Variants in CSMD1 observed in about 807,000 individuals in gnomAD.
The protein encoded by CSMD1 is CUB and Sushi multiple domains 1.
Under a neutral mutation model 417.5 loss-of-function variants are expected in CSMD1, and 213 were observed. The ratio of observed to expected loss-of-function variants is 0.51; its 90% CI spans 0.46 to 0.57. CSMD1 has a LOEUF of 0.57. Ranked by LOEUF, CSMD1 falls within the 20% of genes least tolerant of loss-of-function variation. CSMD1 has a pLI of 0.00. For missense variants in CSMD1, 6,923 were observed against 4,529.7 expected, an observed-to-expected ratio of 1.53 and a Z score of -15.17; for synonymous variants, 2,862 against 1,736.8, an observed-to-expected ratio of 1.65 and a Z score of -16.11.
chr8:3,338,654 G>C (rs1008828), intron 23 of CSMD1, among the ~76,000 whole-genome samples: 56,731 of 151,830 alleles, frequency 0.37, 12,317 homozygotes, highest in African/African-American at 0.6. Context: ...TTCATTTTCA[G>C]GGCTGGCCAG....
At position 3,293,347 on chromosome 8, in the gene CSMD1, G is replaced by T. The variant is rs892291813; in HGVS notation, c.3951-9001C>A. Among the ~76,000 whole-genome samples the T allele has an allele frequency of 3.3e-5, 5 of 151,930 alleles. No individual in the cohort carries two copies. In the South Asian group the frequency reaches 6.2e-4, roughly 19 times the overall value. On this transcript the variant is annotated intron_variant, in intron 25 of 69. Transcript: ENST00000635120. ...AGGAGTATCTTTGTGGCGTTCTCTG[G>T]ATTTCCTGAATTTGAATGTTGGCCT... is the stretch of plus-strand genomic sequence containing the variant.
intron 1 of CSMD1, among the ~76,000 whole-genome samples, chr8:4,868,438 A>G (rs1802543281): frequency 1.3e-5 from 2 of 151,942 alleles, no homozygotes; most frequent in African/African-American, 2.4e-5. Flanking sequence ...GTTTTGCCAC[A>G]TTGATCAGGC....
chr8:4,210,759 A>C (rs945353221), intron 3 of CSMD1, among the ~76,000 whole-genome samples: 2 of 152,230 alleles, frequency 1.3e-5, no homozygotes, highest in African/African-American at 4.8e-5. Context: ...GAAATATGAA[A>C]GATCTTTTGA....
At chr8:3,292,560 T>C (rs917169757) in intron 25 of CSMD1, among the ~76,000 whole-genome samples, 1 of 152,224 alleles carries the variant, frequency 6.6e-6, no homozygotes, top group Non-Finnish European at 1.5e-5. Flanking sequence ...CTTGTTGAAT[T>C]GATCCCTTTA....
chr8:3,820,572 T>G (rs780064521), intron 5 of CSMD1, among the ~76,000 whole-genome samples: 11 of 152,114 alleles, frequency 7.2e-5, no homozygotes, highest in African/African-American at 9.7e-5. Context: ...TGTTTTTGTT[T>G]TTGTTGTTGT....
At chr8:3,148,084 C>T (rs1007801176) in intron 40 of CSMD1, among the ~76,000 whole-genome samples, 7 of 152,088 alleles carry the variant, frequency 4.6e-5, no homozygotes, top group African/African-American at 1.7e-4. Flanking sequence ...ATAGGGGACC[C>T]TTTTCTGAGT....
chr8:3,470,587 C>T (rs1166241191), intron 11 of CSMD1, among the ~76,000 whole-genome samples: 2 of 152,098 alleles, frequency 1.3e-5, no homozygotes, highest in Admixed American at 1.3e-4. Flanking sequence ...GTCTCGGCTC[C>T]TGAATCCACC....
chr8:3,361,071 T>C (rs1173144269), intron 20 of CSMD1, among the ~76,000 whole-genome samples: 9 of 152,206 alleles, frequency 5.9e-5, no homozygotes, highest in Non-Finnish European at 2.9e-5. Flanking sequence ...CAAACTAACA[T>C]TGATAACCTT....
chr8:3,802,137 C>G (rs949951418), intron 5 of CSMD1, among the ~76,000 whole-genome samples: 2 of 152,070 alleles, frequency 1.3e-5, no homozygotes, highest in East Asian at 1.9e-4. Context: ...AAAATATCCT[C>G]AGATACTGCA....
intron 3 of CSMD1, among the ~76,000 whole-genome samples, chr8:4,043,538 A>T (rs1468579581): frequency 6.6e-6 from 1 of 152,214 alleles, no homozygotes; most frequent in Non-Finnish European, 1.5e-5. Flanking sequence ...AAATAATGAG[A>T]AAAGACAAAT....
At chr8:4,316,596 G>C (rs1451546809) in intron 3 of CSMD1, among the ~76,000 whole-genome samples, 2 of 151,994 alleles carry the variant, frequency 1.3e-5, no homozygotes, top group Non-Finnish European at 2.9e-5. Flanking sequence ...CCTAAGACTT[G>C]GTGTAGACAT....
chr8:3,875,880 T>A (rs1451537240), intron 5 of CSMD1, among the ~76,000 whole-genome samples: 1 of 152,166 alleles, frequency 6.6e-6, no homozygotes, highest in Admixed American at 6.5e-5. Flanking sequence ...GTTCCAAACT[T>A]GGTAGGAAAT....
intron 1 of CSMD1, among the ~76,000 whole-genome samples, chr8:4,913,521 G>T (rs575329941): frequency 1.3e-5 from 2 of 152,132 alleles, no homozygotes; most frequent in Non-Finnish European, 1.5e-5. Flanking sequence ...ATTTTAAACA[G>T]AAGCCCTGCC....
intron 3 of CSMD1, among the ~76,000 whole-genome samples, chr8:4,360,253 A>C (rs934355557): frequency 3.3e-5 from 5 of 152,088 alleles, no homozygotes; most frequent in Admixed American, 2.0e-4. Context: ...CCTGATGAAC[A>C]CACATCTACC....
intron 1 of CSMD1, among the ~76,000 whole-genome samples, chr8:4,657,793 T>C (rs1804338564): frequency 6.7e-6 from 1 of 149,854 alleles, no homozygotes; most frequent in Non-Finnish European, 1.5e-5. Flanking sequence ...ACCTACTGTT[T>C]AAAATACACC....
intron 3 of CSMD1, among the ~76,000 whole-genome samples, chr8:4,258,238 C>T (rs766399908): frequency 6.8e-6 from 1 of 147,668 alleles, no homozygotes; most frequent in Non-Finnish European, 1.5e-5. Context: ...AGCCAGCACA[C>T]CCTACCCCTT....
Position 3,749,290 on chromosome 8 carries a change from C to T in CSMD1, c.931+4640G>A, listed in dbSNP as rs943943582. ...ACATTCAACCACAGCCCAATATATA[C>T]AGCAGATATTGCAAATATATTGTGG... On this transcript the variant is annotated intron_variant, in intron 6 of 69. Coordinates refer to ENST00000635120, the MANE Select transcript of CSMD1 (RefSeq NM_033225.6). Among the ~76,000 whole-genome samples, 3 of 152,170 alleles carry T rather than the reference C, an allele frequency of 2.0e-5. No individual in the cohort carries two copies. In the South Asian group the frequency reaches 6.2e-4, roughly 32 times the overall value.
At chr8:4,200,843 G>C (rs142348174) in intron 3 of CSMD1, among the ~76,000 whole-genome samples, 3 of 152,242 alleles carry the variant, frequency 2.0e-5, no homozygotes, top group African/African-American at 7.2e-5. Context: ...GAGTGACAAA[G>C]TGAAACCCTG....
At chr8:4,346,888 T>C (rs1265297236) in intron 3 of CSMD1, among the ~76,000 whole-genome samples, 1 of 149,332 alleles carries the variant, frequency 6.7e-6, no homozygotes. Context: ...CTGGCTGGAT[T>C]GTAAAACCTG....
Sources: gnomAD v4.1 joint callset for allele counts (sites outside exome capture counted in the v4.1 genomes callset) on GRCh38, gnomAD v4.1.1 for gene constraint, MANE v1.5 for transcripts, NCBI Gene and HGNC (gene_info 2026-07-23, HGNC 2026-07-21) for gene names.